Variants in CAB39 observed in about 807,000 individuals in gnomAD.
The protein encoded by CAB39 is calcium-binding protein 39.
CAB39 carries 8 observed loss-of-function variants against 40.0 expected under a neutral mutation model. The observed-to-expected ratio is 0.20, with a 90% CI of 0.12 to 0.36. The LOEUF (loss-of-function observed/expected upper bound fraction) is 0.36, where lower values mean the gene tolerates loss of function less well. CAB39 is among the 10% of genes least tolerant of loss of function. The pLI, the probability that CAB39 is intolerant of heterozygous loss-of-function variation, is 1.00. For missense variants in CAB39, 270 were observed against 401.1 expected (o/e 0.67, Z 2.79); for synonymous variants, 156 against 141.6 (o/e 1.10, Z -0.72).
chr2:230,773,239 G>A (rs976263033), intron 2 of CAB39, among the ~76,000 whole-genome samples: 10 of 151,342 alleles, frequency 6.6e-5, no homozygotes, highest in Admixed American at 1.3e-4. Context: ...GCTTTTGGTG[G>A]TTACGGTTTT....
chr2:230,763,147 T>C (rs1220023842), intron 2 of CAB39, among the ~76,000 whole-genome samples: 1 of 152,208 alleles, frequency 6.6e-6, no homozygotes, highest in African/African-American at 2.4e-5. Context: ...ATAACCATAT[T>C]GTCCAAAACA....
intron 5 of CAB39, 32 bp from the exon 6 acceptor site, chr2:230,810,230 AC>A (rs781219518): frequency 7.8e-6 from 8 of 1,021,520 alleles, no homozygotes; most frequent in Non-Finnish European, 1.0e-5. Flanking sequence ...AACTTGGAGA[AC>A]AACTGTAAAC....
chr2:230,791,230 G>C (rs1695887676), intron 3 of CAB39, among the ~76,000 whole-genome samples, 194 bp downstream of exon 3: 1 of 152,174 alleles, frequency 6.6e-6, no homozygotes, highest in Non-Finnish European at 1.5e-5. Context: ...TCAGGCTTGG[G>C]ACAGGGTTCT....
intron 1 of CAB39, among the ~76,000 whole-genome samples, chr2:230,753,487 G>A (rs1198231370): frequency 6.6e-6 from 1 of 152,128 alleles, no homozygotes; most frequent in Non-Finnish European, 1.5e-5. Flanking sequence ...AGACGTGGTG[G>A]CTCACACCTG....
chr2:230,797,171 A>C (rs558136088), intron 4 of CAB39, among the ~76,000 whole-genome samples: 1 of 152,340 alleles, frequency 6.6e-6, no homozygotes, highest in African/African-American at 2.4e-5. Context: ...AGTGGGAATG[A>C]ATAAAAGGAA....
intron 2 of CAB39, among the ~76,000 whole-genome samples, chr2:230,777,027 T>C (rs1695604311): frequency 6.6e-6 from 1 of 152,128 alleles, no homozygotes; most frequent in African/African-American, 2.4e-5. Flanking sequence ...CTAACTAGTA[T>C]ATTGGAATTC....
intron 1 of CAB39, among the ~76,000 whole-genome samples, chr2:230,718,620 AG>A (rs1393135534): frequency 6.6e-6 from 1 of 152,186 alleles, no homozygotes; most frequent in African/African-American, 2.4e-5. Context: ...AGAGGGTTGT[AG>A]GACGATTAAA....
At chr2:230,799,927 T>C (rs1575955586) in intron 5 of CAB39, among the ~76,000 whole-genome samples, 1 of 151,032 alleles carries the variant, frequency 6.6e-6, no homozygotes, top group African/African-American at 2.4e-5. Context: ...GAGACGGAGG[T>C]TGTGGTAACC....
intron 4 of CAB39, among the ~76,000 whole-genome samples, chr2:230,794,262 A>G (rs991538593): frequency 6.6e-6 from 1 of 152,240 alleles, no homozygotes; most frequent in African/African-American, 2.4e-5. Flanking sequence ...GTTGCACGCC[A>G]GCGTTCTGTT....
intron 2 of CAB39, among the ~76,000 whole-genome samples, chr2:230,769,161 A>G (rs1052458962): frequency 6.6e-6 from 1 of 152,276 alleles, no homozygotes. Context: ...AAGGGTAAAG[A>G]AAGTCATTTT....
rs1172893377 is a variant in CAB39 at position 230,818,726 on chromosome 2, A to T, written c.*22A>T. ...TTAATCTCCAATAAACATCTATGTTAAATCCAAATTCAGCATTTGCTGTTA... is the reference window on the plus strand; with the variant it reads ...TTAATCTCCAATAAACATCTATGTTTAATCCAAATTCAGCATTTGCTGTTA... On this transcript the variant is annotated 3_prime_UTR_variant, in exon 9 of 9. Coordinates refer to ENST00000258418, the MANE Select transcript of CAB39 (RefSeq NM_016289.4). 4.4e-6 allele frequency: 7 copies of T among 1,591,348 alleles called. No individual in the cohort carries two copies. Among genetic ancestry groups the T allele is most frequent in the Non-Finnish European group, 5.2e-6 (6 of 1,161,776 alleles).
At chr2:230,808,080 T>TC (rs1361521784) in intron 5 of CAB39, among the ~76,000 whole-genome samples, 1 of 151,834 alleles carries the variant, frequency 6.6e-6, no homozygotes, top group African/African-American at 2.4e-5. Context: ...TCTTTTCTTT[T>TC]TTTTTTTAAT....
intron 7 of CAB39, among the ~76,000 whole-genome samples, chr2:230,814,645 G>A (rs1301009979): frequency 6.6e-6 from 1 of 152,168 alleles, no homozygotes; most frequent in Admixed American, 6.5e-5. Flanking sequence ...GCCTGTGTTT[G>A]TAAGTAAAGT....
At chr2:230,745,784 G>T (rs192877647) in intron 1 of CAB39, among the ~76,000 whole-genome samples, 2 of 151,800 alleles carry the variant, frequency 1.3e-5, no homozygotes, top group Non-Finnish European at 2.9e-5. Context: ...ATACCACCAC[G>T]CCCAGCTAAT....
chr2:230,725,137 A>G (rs2124862251), intron 1 of CAB39: 1 of 1,613,056 alleles, frequency 6.2e-7, no homozygotes, highest in Non-Finnish European at 8.5e-7. Flanking sequence ...AGCTTCCCAG[A>G]GAGCATCACA....
At chr2:230,731,210 TG>T (rs1403191683) in intron 1 of CAB39, among the ~76,000 whole-genome samples, 2 of 152,028 alleles carry the variant, frequency 1.3e-5, no homozygotes, top group Non-Finnish European at 2.9e-5. Flanking sequence ...AATAAAACAA[TG>T]GGGGGTGCTA....
intron 2 of CAB39, among the ~76,000 whole-genome samples, chr2:230,763,874 C>T (rs1264610905): frequency 6.6e-6 from 1 of 152,102 alleles, no homozygotes; most frequent in East Asian, 1.9e-4. Context: ...GTAATCCCAG[C>T]ACTTTGGGAG....
At chr2:230,749,593 CTTATAT>C (rs1695050207) in intron 1 of CAB39, among the ~76,000 whole-genome samples, 1 of 152,120 alleles carries the variant, frequency 6.6e-6, no homozygotes, top group African/African-American at 2.4e-5. Context: ...TGTATGCAAA[CTTATAT>C]TTAAAGTGTT....
At chr2:230,806,701 C>G (rs16827577) in intron 5 of CAB39, among the ~76,000 whole-genome samples, 24,910 of 152,076 alleles carry the variant, frequency 0.16, 2,336 homozygotes, top group African/African-American at 0.23. Flanking sequence ...TGGTTCCTGG[C>G]ATAGTATTTG....
Sources: gnomAD v4.1 joint callset for allele counts (sites outside exome capture counted in the v4.1 genomes callset) on GRCh38, gnomAD v4.1.1 for gene constraint, MANE v1.5 for transcripts, NCBI Gene and HGNC (gene_info 2026-07-23, HGNC 2026-07-21) for gene names.